Variants in SOX5 observed in about 807,000 individuals in gnomAD.
The protein encoded by SOX5 is SRY-box transcription factor 5.
A neutral mutation model predicts 92.0 loss-of-function variants in SOX5; 9 were observed. The ratio of observed to expected loss-of-function variants is 0.10; its 90% CI spans 0.06 to 0.17. The LOEUF (loss-of-function observed/expected upper bound fraction) is 0.17, where lower values mean the gene tolerates loss of function less well. Ranked by LOEUF, SOX5 falls within the 10% of genes least tolerant of loss-of-function variation. The pLI, the probability that SOX5 is intolerant of heterozygous loss-of-function variation, is 1.00. For synonymous variants in SOX5, 344 were observed against 336.3 expected (o/e 1.02, Z -0.25); for missense variants, 642 against 944.5 (o/e 0.68, Z 4.20).
chr12:24,052,294 A>G (rs1248099827), intron 4 of SOX5, among the ~76,000 whole-genome samples: 1 of 152,222 alleles, frequency 6.6e-6, no homozygotes, highest in Non-Finnish European at 1.5e-5. Flanking sequence ...CAAAATTTTC[A>G]CCTGACTTCT....
intron 3 of SOX5, among the ~76,000 whole-genome samples, chr12:24,253,080 C>T (rs1940465134): frequency 6.6e-6 from 1 of 151,450 alleles, no homozygotes; most frequent in African/African-American, 2.4e-5. Context: ...GATACAGAGA[C>T]ATTGAGATAA....
At chr12:24,155,926 C>A (rs1255402500) in intron 4 of SOX5, among the ~76,000 whole-genome samples, 2 of 152,080 alleles carry the variant, frequency 1.3e-5, no homozygotes, top group African/African-American at 4.8e-5. Flanking sequence ...AGAGCGGTAA[C>A]AATGCAGCAA....
At chr12:24,081,054 A>C (rs1291049328) in intron 4 of SOX5, among the ~76,000 whole-genome samples, 2 of 152,066 alleles carry the variant, frequency 1.3e-5, no homozygotes, top group Non-Finnish European at 2.9e-5. Context: ...ATATGGCATC[A>C]GTGTAAAATC....
chr12:24,318,452 C>A (rs1338985592), intron 2 of SOX5, among the ~76,000 whole-genome samples: 1 of 152,042 alleles, frequency 6.6e-6, no homozygotes, highest in Non-Finnish European at 1.5e-5. Flanking sequence ...CATAGATGAG[C>A]CTGTGTTCTT....
chr12:23,931,898 G>C (rs1941493292), intron 1 of SOX5, among the ~76,000 whole-genome samples: 1 of 151,424 alleles, frequency 6.6e-6, no homozygotes, highest in African/African-American at 2.4e-5. Flanking sequence ...TGGTATTCAT[G>C]GCTATCTTCA....
intron 4 of SOX5, among the ~76,000 whole-genome samples, chr12:23,959,075 T>C (rs981203924): frequency 4.6e-5 from 7 of 151,876 alleles, no homozygotes; most frequent in Admixed American, 2.0e-4. Context: ...GTAGCATCAA[T>C]GTCATAAAAA....
intron 1 of SOX5, among the ~76,000 whole-genome samples, chr12:23,913,366 T>C (rs2097373104): frequency 6.6e-6 from 1 of 152,130 alleles, no homozygotes; most frequent in African/African-American, 2.4e-5. Flanking sequence ...AGTTCTTTTT[T>C]TTTTAGCTCC....
At chr12:23,631,897 C>T (rs2078584570) in intron 8 of SOX5, among the ~76,000 whole-genome samples, 1 of 152,004 alleles carries the variant, frequency 6.6e-6, no homozygotes, top group African/African-American at 2.4e-5. Flanking sequence ...GTCAACACCT[C>T]CCAGGAACTC....
chr12:23,587,208 C>T (rs996440791), intron 9 of SOX5, among the ~76,000 whole-genome samples: 1 of 151,936 alleles, frequency 6.6e-6, no homozygotes, highest in Non-Finnish European at 1.5e-5. Context: ...TTTTCTAATA[C>T]TATTTACTCC....
At chr12:23,939,640 A>G (rs1943240298) in intron 1 of SOX5, among the ~76,000 whole-genome samples, 1 of 150,998 alleles carries the variant, frequency 6.6e-6, no homozygotes, top group South Asian at 2.1e-4. Flanking sequence ...TTAGATATGT[A>G]TATTCCTGAT....
chr12:23,881,767 T>C (rs1263793629), intron 2 of SOX5, among the ~76,000 whole-genome samples: 4 of 152,206 alleles, frequency 2.6e-5, no homozygotes, highest in East Asian at 1.9e-4. Context: ...TTTGGAGATA[T>C]TCAGTGTTAT....
intron 1 of SOX5, among the ~76,000 whole-genome samples, chr12:24,382,636 G>A (rs1481282955): frequency 1.3e-5 from 2 of 152,144 alleles, no homozygotes; most frequent in African/African-American, 2.4e-5. Flanking sequence ...AGACTAAAAA[G>A]GAGCCAGTAG....
chr12:23,586,287 A>C (rs1415364233), intron 9 of SOX5, among the ~76,000 whole-genome samples: 1 of 152,076 alleles, frequency 6.6e-6, no homozygotes, highest in Non-Finnish European at 1.5e-5. Context: ...TTTTTCCCCC[A>C]AGTGGTAGGT....
At chr12:24,469,826 A>G (rs545996784) in intron 1 of SOX5, among the ~76,000 whole-genome samples, 24 of 152,336 alleles carry the variant, frequency 1.6e-4, no homozygotes, top group Non-Finnish European at 3.2e-4. Flanking sequence ...ACTGATTACA[A>G]TTGGAGTTTC....
intron 6 of SOX5, among the ~76,000 whole-genome samples, chr12:23,733,534 T>C (rs1271219330): frequency 6.6e-6 from 1 of 152,124 alleles, no homozygotes; most frequent in Non-Finnish European, 1.5e-5. Flanking sequence ...GAACTTCCAC[T>C]GTCTCACTGA....
chr12:24,386,438 T>C (rs986281936), intron 1 of SOX5, among the ~76,000 whole-genome samples: 2 of 152,198 alleles, frequency 1.3e-5, no homozygotes, highest in Admixed American at 6.5e-5. Context: ...AATACTATTA[T>C]CAATCCTATG....
At chr12:23,914,243 A>T (rs1345047763) in intron 1 of SOX5, among the ~76,000 whole-genome samples, 1 of 152,138 alleles carries the variant, frequency 6.6e-6, no homozygotes, top group African/African-American at 2.4e-5. Flanking sequence ...TGGTTTTCTA[A>T]ATTTTTTTCA....
intron 1 of SOX5, among the ~76,000 whole-genome samples, chr12:24,557,850 T>C (rs766351477): frequency 2.6e-5 from 4 of 152,348 alleles, no homozygotes; most frequent in South Asian, 2.1e-4. Flanking sequence ...CCATCACTAG[T>C]ACTCCCCAAG....
At chr12:24,343,723 T>C (rs1486481586) in intron 2 of SOX5, among the ~76,000 whole-genome samples, 1 of 152,092 alleles carries the variant, frequency 6.6e-6, no homozygotes, top group Non-Finnish European at 1.5e-5. Flanking sequence ...TGAATGTTCC[T>C]GCCAAAAAAA....
Sources: allele counts gnomAD v4.1 joint callset (sites outside exome capture counted in the v4.1 genomes callset), GRCh38; gene constraint gnomAD v4.1.1; transcripts MANE v1.5; gene names NCBI Gene and HGNC (gene_info 2026-07-23, HGNC 2026-07-21).